The following ADGRV1 variants were observed in gnomAD, a reference collection of about 807,000 sequenced individuals.
ADGRV1 encodes the protein G-protein coupled receptor 98.
In ADGRV1, 359 loss-of-function variants were observed where a neutral mutation model predicts 596.2. The observed-to-expected ratio is 0.60, with a 90% CI of 0.55 to 0.66. The LOEUF (loss-of-function observed/expected upper bound fraction) is 0.66, where lower values mean the gene tolerates loss of function less well. Ranked by LOEUF, ADGRV1 falls within the 30% of genes least tolerant of loss-of-function variation. ADGRV1 has a pLI of 0.00. For synonymous variants in ADGRV1, 2,681 were observed against 2,679.2 expected, an observed-to-expected ratio of 1.00 and a Z score of -0.02; for missense variants, 7,274 against 7,575.6, an observed-to-expected ratio of 0.96 and a Z score of 1.48.
chr5:91,133,749 A>G (rs984841874), intron 87 of ADGRV1, among the ~76,000 whole-genome samples: 1 of 152,176 alleles, frequency 6.6e-6, no homozygotes, highest in African/African-American at 2.4e-5. Flanking sequence ...TGCGAATCCC[A>G]CTAACTTTGA....
At chr5:90,634,141 C>T (rs1400370779) in intron 9 of ADGRV1, among the ~76,000 whole-genome samples, 16 of 152,122 alleles carry the variant, frequency 1.1e-4, no homozygotes, top group African/African-American at 1.7e-4. Flanking sequence ...AGTCCTGTGA[C>T]GATTACCTAT....
chr5:91,058,136 T>C (rs891330828), intron 85 of ADGRV1, among the ~76,000 whole-genome samples: 1 of 152,188 alleles, frequency 6.6e-6, no homozygotes, highest in Admixed American at 6.5e-5. Context: ...GAAGCCTCAT[T>C]ATAGCACTGA....
In ADGRV1 at chr5:90,756,478, G is replaced by A. The variant is rs1482172674; in HGVS notation, c.11605G>A (p.Gly3869Arg). ...LPDDLPELEE[G>R]FIVTITEVNL... is the part of the protein sequence containing the mutation. ...GGATGACCTTCCTGAATTGGAGGAA[G>A]GATTTATTGTCACTATCACTGAGGT... is the stretch of plus-strand genomic sequence containing the variant. Residue 3869 changes from glycine (G) to arginine (R), a missense_variant, in exon 56 of 90, where the codon GGA (glycine) becomes AGA (arginine). Physicochemically the swap from Gly to Arg is moderately radical, Grantham distance 125. Around this residue, in one of 5 missense-constraint regions of ADGRV1, gnomAD observed 3,643 missense variants for 3,809.2 expected, o/e 0.96. Transcript: ENST00000405460. The A allele has an allele frequency of 6.5e-7, 1 of 1,546,656 alleles. No homozygotes were observed. Among genetic ancestry groups the A allele is most frequent in the Non-Finnish European group, 8.7e-7 (1 of 1,146,272 alleles).
rs999086444 is a variant in ADGRV1, at chr5:90,745,905, T to G, written c.10974+110T>G. ...AGTCATAGTTTGAGTGTCATCAGCC[T>G]CTCTCCCTTCCCTTTCCCCTGCCTC... On this transcript the variant is annotated intron_variant, in intron 52 of 89. Transcript: ENST00000405460. 55 of 653,688 alleles carry G rather than the reference T, an allele frequency of 8.4e-5. No homozygotes were observed. The Admixed American group carries it at 1.4e-3, about 17-fold the overall frequency. 40.5% of individuals were successfully genotyped at this position (653,688 alleles called of 1,614,324 possible).
intron 45 of ADGRV1, among the ~76,000 whole-genome samples, chr5:90,723,440 C>T (rs1751348715): frequency 6.6e-6 from 1 of 152,164 alleles, no homozygotes; most frequent in Non-Finnish European, 1.5e-5. Flanking sequence ...ATTTAGATTT[C>T]TGCATTACGC....
chr5:91,006,107 G>A (rs16869336), intron 85 of ADGRV1, among the ~76,000 whole-genome samples: 3 of 151,938 alleles, frequency 2.0e-5, no homozygotes, highest in South Asian at 2.1e-4. Context: ...GATAGACATC[G>A]CCCATGTTCC....
At chr5:90,826,640 G>A (rs1216054127) in intron 76 of ADGRV1, among the ~76,000 whole-genome samples, 1 of 151,720 alleles carries the variant, frequency 6.6e-6, no homozygotes, top group Non-Finnish European at 1.5e-5. Flanking sequence ...CAGAATGGAT[G>A]GAGATGGAGC....
intron 75 of ADGRV1, among the ~76,000 whole-genome samples, chr5:90,821,089 A>G (rs1211106415): frequency 1.3e-5 from 2 of 152,068 alleles, no homozygotes; most frequent in African/African-American, 4.8e-5. Flanking sequence ...ACATAGTCGC[A>G]TATTTCTTGG....
intron 87 of ADGRV1, among the ~76,000 whole-genome samples, chr5:91,149,081 G>A (rs1444254625): frequency 6.6e-6 from 1 of 152,184 alleles, no homozygotes; most frequent in Non-Finnish European, 1.5e-5. Context: ...CAGGCTCAGA[G>A]GTGGAAGGGA....
Position 90,672,436 on chromosome 5 carries a change from T to C in ADGRV1, c.4753-110T>C, listed in dbSNP as rs940712336. The C allele has an allele frequency of 1.6e-5, 13 of 798,166 alleles. No individual in the cohort carries two copies. The African/African-American group carries it at 2.2e-4, about 14-fold the overall frequency. The allele number at this position is 798,166 out of a possible 1,614,324, so 49.4% of individuals were successfully genotyped here. The stretch of plus-strand genomic sequence containing the variant: ...GCCTCGTTAGTCCCTTTTAGAGAGG[T>C]AGAAAGTTGTAGAATTAAGTTTATG... On this transcript the variant is annotated intron_variant, in intron 21 of 89. Transcript: ENST00000405460.
chr5:91,154,240 T>C (rs1345771994), intron 89 of ADGRV1, among the ~76,000 whole-genome samples: 1 of 152,258 alleles, frequency 6.6e-6, no homozygotes, highest in Admixed American at 6.5e-5. Context: ...TTTTAATTTC[T>C]AGATAACCAC....
At chr5:90,890,683 T>A (rs1770728743) in intron 83 of ADGRV1, among the ~76,000 whole-genome samples, 1 of 152,192 alleles carries the variant, frequency 6.6e-6, no homozygotes, top group Admixed American at 6.5e-5. Context: ...CATTTTCATG[T>A]GTAAATGTCT....
chr5:91,085,030 G>A (rs987196428), intron 86 of ADGRV1, among the ~76,000 whole-genome samples: 6 of 152,244 alleles, frequency 3.9e-5, no homozygotes, highest in South Asian at 2.1e-4. Flanking sequence ...GTTGAACAAC[G>A]AGAACACTTG....
intron 85 of ADGRV1, among the ~76,000 whole-genome samples, chr5:91,053,166 G>C (rs1421671384): frequency 6.6e-6 from 1 of 152,178 alleles, no homozygotes; most frequent in Admixed American, 6.5e-5. Flanking sequence ...TTGCTAAACT[G>C]TCTGGGGTTC....
intron 21 of ADGRV1, among the ~76,000 whole-genome samples, chr5:90,668,779 T>G (rs140560869): frequency 0.012 from 1,811 of 152,334 alleles, 35 homozygotes; most frequent in African/African-American, 0.041. Flanking sequence ...TTATTAGATA[T>G]GAATAGTGAT....
intron 1 of ADGRV1, among the ~76,000 whole-genome samples, chr5:90,575,260 A>G (rs1321685996): frequency 2.0e-5 from 3 of 150,104 alleles, no homozygotes; most frequent in Admixed American, 6.6e-5. Flanking sequence ...GTGTTATGTT[A>G]TTTTATTCTT....
chr5:90,937,299 C>G (rs550593033), intron 83 of ADGRV1, among the ~76,000 whole-genome samples: 28 of 152,184 alleles, frequency 1.8e-4, no homozygotes, highest in Admixed American at 1.4e-3. Flanking sequence ...GAGGTCTTTT[C>G]TGTAGCATGA....
chr5:90,612,196 G>C (rs1479458727), intron 1 of ADGRV1, among the ~76,000 whole-genome samples: 2 of 151,970 alleles, frequency 1.3e-5, no homozygotes, highest in Admixed American at 6.6e-5. Flanking sequence ...TGAGCTCATT[G>C]GTCCTGACAT....
At chr5:90,834,289 A>T (rs1764770867) in intron 77 of ADGRV1, among the ~76,000 whole-genome samples, 1 of 152,070 alleles carries the variant, frequency 6.6e-6, no homozygotes. Context: ...TTTTTCTTTT[A>T]GGTTGAAGAA....
Sources: gnomAD v4.1 joint callset for allele counts (sites outside exome capture counted in the v4.1 genomes callset) on GRCh38, gnomAD v4.1.1 for gene constraint, gnomAD v4.1.1 regional missense constraint, MANE v1.5 for transcripts, NCBI Gene and HGNC (gene_info 2026-07-23, HGNC 2026-07-21) for gene names.